The following ATP2B2 variants were observed in gnomAD, a reference collection of about 807,000 sequenced individuals.
ATP2B2 encodes ATPase plasma membrane Ca2+ transporting 2.
In ATP2B2, 15 loss-of-function variants were observed where a neutral mutation model predicts 120.0. The observed-to-expected ratio is 0.12, with a 90% CI of 0.08 to 0.19. ATP2B2 has a LOEUF of 0.19. Among genes scored for constraint, ATP2B2 ranks in the 10% least tolerant of loss-of-function variants. ATP2B2 has a pLI of 1.00. For synonymous variants in ATP2B2, 694 were observed against 700.3 expected, an observed-to-expected ratio of 0.99 and a Z score of 0.14; for missense variants, 1,045 against 1,719.8, an observed-to-expected ratio of 0.61 and a Z score of 6.94.
intron 1 of ATP2B2, among the ~76,000 whole-genome samples, chr3:10,669,381 T>C (rs994294579): frequency 1.3e-5 from 2 of 152,106 alleles, no homozygotes; most frequent in African/African-American, 2.4e-5. Context: ...CCCCAGCCCA[T>C]ACCCCATTCC....
At chr3:10,512,464 G>GCGCGCGCGCGCGCACA (rs749056818) in intron 3 of ATP2B2, among the ~76,000 whole-genome samples, 4 of 136,926 alleles carry the variant, frequency 2.9e-5, no homozygotes, top group East Asian at 2.2e-4. Flanking sequence ...AAGTGTGTGC[G>GCGCGCGCGCGCGCACA]CACACACACA....
chr3:10,513,708 C>T (rs1212754130), intron 3 of ATP2B2, among the ~76,000 whole-genome samples: 3 of 152,178 alleles, frequency 2.0e-5, no homozygotes, highest in African/African-American at 7.2e-5. Context: ...AGCCAGTAGA[C>T]ATTCACAGAG....
chr3:10,371,611 GTTTC>G (rs1222211208), intron 12 of ATP2B2, among the ~76,000 whole-genome samples, 194 bp downstream of exon 12: 1 of 152,160 alleles, frequency 6.6e-6, no homozygotes, highest in Non-Finnish European at 1.5e-5. Flanking sequence ...AACAATAAAG[GTTTC>G]TTTGTCACAC....
At chr3:10,554,687 G>A (rs1190993660) in intron 2 of ATP2B2, among the ~76,000 whole-genome samples, 1 of 152,196 alleles carries the variant, frequency 6.6e-6, no homozygotes, top group Non-Finnish European at 1.5e-5. Flanking sequence ...CTGGTCTATG[G>A]TTTTTTGTTA....
At chr3:10,696,070 G>A (rs1253689984) in intron 1 of ATP2B2, among the ~76,000 whole-genome samples, 3 of 152,180 alleles carry the variant, frequency 2.0e-5, no homozygotes, top group East Asian at 3.9e-4. Context: ...ATAACAGTGG[G>A]TGAGAAACCC....
rs533655165 is a variant in ATP2B2, at chr3:10,533,500, C to T, written c.-320+539G>A. Among the ~76,000 whole-genome samples the T allele has an allele frequency of 8.5e-5, 13 of 152,178 alleles. No homozygotes were observed. The South Asian group carries it at 2.3e-3, about 27-fold the overall frequency. ...TTGAACCTGGGACTGAGTCCAGCTG[C>T]CAAGCTCTCAATAACCAATAAACAT... On this transcript the variant is annotated intron_variant, in intron 3 of 21. Coordinates refer to the ATP2B2 transcript ENST00000646379.
At chr3:10,697,181 T>G (rs553929757) in intron 1 of ATP2B2, among the ~76,000 whole-genome samples, 1 of 152,160 alleles carries the variant, frequency 6.6e-6, no homozygotes, top group East Asian at 1.9e-4. Context: ...GCATTTTCAC[T>G]GCACCACGCC....
chr3:10,706,789 G>A (rs76296202), intron 1 of ATP2B2, among the ~76,000 whole-genome samples: 3,808 of 152,268 alleles, frequency 0.025, 65 homozygotes, highest in Non-Finnish European at 0.038. Flanking sequence ...GAGGGGAAGC[G>A]ACTTGCCAGA....
chr3:10,353,829 C>T (rs1449194251), intron 14 of ATP2B2, among the ~76,000 whole-genome samples: 3 of 152,146 alleles, frequency 2.0e-5, no homozygotes, highest in Non-Finnish European at 4.4e-5. Flanking sequence ...GGGCTGGGCT[C>T]TGCTCTAGGG....
chr3:10,342,652 C>T lies in ATP2B2; in HGVS notation c.2917+100G>A. On this transcript the variant is annotated intron_variant, in intron 19 of 22. Coordinates refer to ENST00000360273, the MANE Select transcript of ATP2B2 (RefSeq NM_001001331.4). The surrounding 1 kb of genome is among the most constrained non-coding windows in gnomAD (Gnocchi z 4.4). ...GGCCTCAATTTCCCCATTAGCAAAA[C>T]AGGAGGGGGTTGTGACTCGAGAATG... The T allele has an allele frequency of 7.0e-7, 1 of 1,422,414 alleles. No individual in the cohort carries two copies. The highest frequency in any genetic ancestry group is 1.2e-5 in the South Asian group (1 of 83,078). 88.1% of individuals were successfully genotyped at this position (1,422,414 alleles called of 1,614,324 possible). A position where few individuals can be genotyped will look rare whatever the true frequency, so the allele number is the denominator to read the frequency against.
intron 2 of ATP2B2, among the ~76,000 whole-genome samples, chr3:10,563,217 G>A (rs887267532): frequency 2.6e-5 from 4 of 152,188 alleles, no homozygotes; most frequent in African/African-American, 7.2e-5. Context: ...TGAAGGAGAC[G>A]CTATCAACAC....
At chr3:10,596,829 A>G (rs1479047576) in intron 2 of ATP2B2, among the ~76,000 whole-genome samples, 1 of 152,240 alleles carries the variant, frequency 6.6e-6, no homozygotes, top group African/African-American at 2.4e-5. Context: ...CACAGTCAAG[A>G]AAATCTTTCC....
At chr3:10,645,521 AT>A (rs1295873549) in intron 1 of ATP2B2, among the ~76,000 whole-genome samples, 3 of 152,214 alleles carry the variant, frequency 2.0e-5, no homozygotes, top group African/African-American at 7.2e-5. Context: ...ACGCACACAG[AT>A]AAAGCACACG....
At chr3:10,664,284 G>C (rs967614291) in intron 1 of ATP2B2, among the ~76,000 whole-genome samples, 19 of 152,060 alleles carry the variant, frequency 1.2e-4, no homozygotes, top group African/African-American at 4.3e-4. Flanking sequence ...GCCCCCTGGG[G>C]TCTCACACTA....
intron 1 of ATP2B2, among the ~76,000 whole-genome samples, chr3:10,686,378 G>A (rs1222489293): frequency 1.3e-5 from 2 of 152,166 alleles, no homozygotes; most frequent in African/African-American, 4.8e-5. Context: ...CAATTGGCTG[G>A]GCGTGGTGGC....
At chr3:10,544,592 T>C (rs2067505316) in intron 2 of ATP2B2, among the ~76,000 whole-genome samples, 1 of 152,176 alleles carries the variant, frequency 6.6e-6, no homozygotes, top group Admixed American at 6.5e-5. Context: ...TTTGGGAGGC[T>C]CAGATTTTAA....
chr3:10,635,677 T>G lies in ATP2B2; in HGVS notation c.-459-15716A>C, dbSNP rs985042836. 1.3e-5 allele frequency among the ~76,000 whole-genome samples: 2 copies of G among 152,318 alleles called. No homozygotes were observed. The highest frequency in any genetic ancestry group is 4.8e-5 in the African/African-American group (2 of 41,572). On this transcript the variant is annotated intron_variant, in intron 1 of 21. Transcript: ENST00000646379. The surrounding 1 kb of genome is among the most constrained non-coding windows in gnomAD (Gnocchi z 4.3). ...TTTTGCACGCGACAAGGACGCAGCA[T>G]CCTCAGGCCTCCTTCCATACAGCCC...
intron 8 of ATP2B2, among the ~76,000 whole-genome samples, chr3:10,382,298 AGT>A (rs1467905374): frequency 6.8e-6 from 1 of 146,180 alleles, no homozygotes; most frequent in Admixed American, 7.0e-5. Context: ...GGCCTCCCAA[AGT>A]GTTGGGATTA....
At chr3:10,389,527 T>C (rs2061783422) in intron 5 of ATP2B2, among the ~76,000 whole-genome samples, 1 of 152,112 alleles carries the variant, frequency 6.6e-6, no homozygotes. Flanking sequence ...TACTATATGA[T>C]TCCACCTGCA....
Sources: gnomAD v4.1 joint callset for allele counts (sites outside exome capture counted in the v4.1 genomes callset) on GRCh38, gnomAD v4.1.1 for gene constraint, Gnocchi (gnomAD v3.1) non-coding constraint, MANE v1.5 for transcripts, NCBI Gene and HGNC (gene_info 2026-07-23, HGNC 2026-07-21) for gene names.